Variants in MEFV observed in about 807,000 individuals in gnomAD.
The protein encoded by MEFV is pyrin.
Under a neutral mutation model 62.5 loss-of-function variants are expected in MEFV, and 60 were observed. The observed-to-expected ratio is 0.96, with a 90% confidence interval of 0.78 to 1.19. The LOEUF (loss-of-function observed/expected upper bound fraction) is 1.19. MEFV is among the 50% of genes most tolerant of loss of function. MEFV has a pLI of 0.00. For missense variants in MEFV, 1,169 were observed against 1,004.5 expected (o/e 1.16, Z -2.21); for synonymous variants, 500 against 415.2 (o/e 1.20, Z -2.48).
chr16:3,250,892 T>C lies in MEFV; in HGVS notation c.911-1112A>G, dbSNP rs548240000. On this transcript the variant is annotated intron_variant, in intron 2 of 9. Transcript: ENST00000219596. The stretch of plus-strand genomic sequence containing the variant: ...TACAAAAATTAGCCGGACGTGGTGG[T>C]GGGCACCTGTAATCCCAGCTACTCG... 8.8e-3 allele frequency among the ~76,000 whole-genome samples: 1,323 copies of C among 151,094 alleles called. 13 individuals carry two copies. The highest frequency in any genetic ancestry group is 0.031 in the Middle Eastern group (9 of 294).
chr16:3,252,636 C>T (rs1158972500), intron 2 of MEFV, among the ~76,000 whole-genome samples: 3 of 151,934 alleles, frequency 2.0e-5, no homozygotes, highest in Non-Finnish European at 2.9e-5. Context: ...GCCAACAATG[C>T]ATTGGAAAGT....
At position 3,254,293 on chromosome 16, in the gene MEFV, T is replaced by C. The variant is rs104895144; in HGVS notation, c.775A>G (p.Ile259Val). The C allele has an allele frequency of 4.0e-5, 65 of 1,614,100 alleles. No individual in the cohort carries two copies. In the Middle Eastern group the frequency reaches 4.9e-4, roughly 12 times the overall value. Residue 259 changes from isoleucine to valine, a missense_variant, in exon 2 of 10, where the codon ATT (isoleucine) becomes GTT (valine). Coordinates refer to ENST00000219596, the MANE Select transcript of MEFV (RefSeq NM_000243.3). ...TGEKAPANPE[I>V]LLTLEEKTAA... ...GTCTTTTCCTCTAGAGTCAGGAGAA[T>C]TTCTGGATTTGCGGGCGCCTTCTCC... is the stretch of plus-strand genomic sequence containing the variant.
intron 2 of MEFV, among the ~76,000 whole-genome samples, chr16:3,253,848 A>G (rs1959073406): frequency 6.6e-6 from 1 of 152,138 alleles, no homozygotes; most frequent in Non-Finnish European, 1.5e-5. Flanking sequence ...ATGGGGTCTC[A>G]CTGTGTTGCC....
At chr16:3,244,714 A>T in intron 6 of MEFV, 126 bp from the exon 7 acceptor site, 1 of 765,102 alleles carries the variant, frequency 1.3e-6, no homozygotes, top group South Asian at 1.4e-5. Flanking sequence ...CACAAAGAAA[A>T]GTCTTCCCTG....
rs758868622 is a variant in MEFV, at chr16:3,249,469, G to A, written c.1222C>T (p.Arg408Trp). The A allele has an allele frequency of 1.7e-5, 28 of 1,614,072 alleles. No individual in the cohort carries two copies. Among genetic ancestry groups the A allele is most frequent in the East Asian group, 4.5e-5 (2 of 44,884 alleles). Residue 408 changes from arginine to tryptophan, a missense_variant, in exon 3 of 10, where the codon CGG (arginine) becomes TGG (tryptophan). By Grantham distance (101) the Arg-to-Trp change is moderately radical. Transcript: ENST00000219596. ...CSLSQEHQGHRVRPIEEVALE... is the reference protein window; with the variant it reads ...CSLSQEHQGHWVRPIEEVALE... ...GCGACCTCCTCAATGGGGCGCACCC[G>A]GTGGCCTTGGTGCTCCTGACTCAGA... is the stretch of plus-strand genomic sequence containing the variant.
Position 3,244,492 on chromosome 16 carries a change from C to T in MEFV, c.1707G>A (p.Lys569=), listed in dbSNP as rs1272950397. ...ATCTACCTGAGAAGTACTTTGTGCT[C>T]TTCTCCACAAACTCTGACTTCTGGT... The part of the protein sequence containing the change: ...LLHQKSEFVE[K]STKYFSETLR... The change falls in exon 7 of 10, where the codon AAG becomes AAA. Residue 569 remains lysine (K), a synonymous_variant. Coordinates refer to ENST00000219596, the MANE Select transcript of MEFV (RefSeq NM_000243.3). 1.2e-6 allele frequency: 2 copies of T among 1,613,938 alleles called. No homozygotes were observed. Among genetic ancestry groups the T allele is most frequent in the Non-Finnish European group, 8.5e-7 (1 of 1,179,968 alleles).
chr16:3,246,923 A>G (rs950477432), intron 5 of MEFV, 93 bp downstream of exon 5: 18 of 1,252,438 alleles, frequency 1.4e-5, no homozygotes, highest in East Asian at 1.4e-4. Context: ...GGCTTCACCC[A>G]CTTGTTCCAG....
chr16:3,248,971 T>A lies in MEFV; in HGVS notation c.1294A>T (p.Lys432Ter), dbSNP rs762728076. Residue 432 changes from lysine (K) to a stop codon, truncating the protein, a stop_gained, in exon 4 of 10, where the codon AAG becomes TAG. Coordinates refer to ENST00000219596, the MANE Select transcript of MEFV (RefSeq NM_000243.3). LOFTEE classifies it high-confidence loss of function. ...TGCTCCTCCCCTGATTTTCTCAGCT[T>A]CTTCAGATGCTCCAGCTGCTTCTGA... ...KIQKQLEHLK[K>*]LRKSGEEQRS... The A allele has an allele frequency of 3.1e-6, 5 of 1,614,238 alleles. No individual in the cohort carries two copies. In the Admixed American group the frequency reaches 8.3e-5, roughly 27 times the overall value.
Position 3,256,482 on chromosome 16 carries a change from C to G in MEFV, c.106G>C (p.Glu36Gln). 1.2e-6 allele frequency: 2 copies of G among 1,614,186 alleles called. No homozygotes were observed. Among genetic ancestry groups the G allele is most frequent in the Non-Finnish European group, 8.5e-7 (1 of 1,180,044 alleles). Reference sequence around the variant, plus strand: ...TGGCTCCGGGGGATCCTGGAGTGCTCCTTCTGCACACTGGTGTTCTGCAGC... The same window carrying G: ...TGGCTCCGGGGGATCCTGGAGTGCTGCTTCTGCACACTGGTGTTCTGCAGC... ...FKLQNTSVQK[E>Q]HSRIPRSQIQ... Residue 36 changes from glutamate to glutamine, a missense_variant, in exon 1 of 10, where the codon GAG (glutamate) becomes CAG (glutamine). By Grantham distance (29) the Glu-to-Gln change is conservative. Coordinates refer to ENST00000219596, the MANE Select transcript of MEFV (RefSeq NM_000243.3).
rs746500055 is a variant in MEFV, at chr16:3,254,378, T to G, written c.690A>C (p.Glu230Asp). ...GCATCTTTCCCGAGGGCAGGTACAC[T>G]TCGAAGGGCCTGCACTCCTTCTGCC... ...APGQKECRPF[E>D]VYLPSGKMRP... Residue 230 changes from glutamate (E) to aspartate (D), a missense_variant, in exon 2 of 10, where the codon GAA (glutamate) becomes GAC (aspartate). Glu to Asp is a conservative substitution (Grantham distance 45). Transcript: ENST00000219596. 1.9e-6 allele frequency: 3 copies of G among 1,614,132 alleles called. No individual in the cohort carries two copies. Among genetic ancestry groups the G allele is most frequent in the South Asian group, 1.1e-5 (1 of 91,090 alleles).
intron 8 of MEFV, 78 bp downstream of exon 8, chr16:3,244,176 T>C (rs1596350765): frequency 3.7e-6 from 6 of 1,606,302 alleles, no homozygotes; most frequent in Non-Finnish European, 5.1e-6. Context: ...GTCTTCTAAA[T>C]AGGGCCCCTC....
rs11466033 is a variant in MEFV, at chr16:3,246,515, C to A, written c.1610+10G>T. The A allele has an allele frequency of 2.3e-4, 377 of 1,614,112 alleles. 1 individual carries two copies. In the African/African-American group the frequency reaches 4.2e-3, roughly 18 times the overall value. On this transcript the variant is annotated intron_variant, in intron 6 of 9. Transcript: ENST00000219596. The stretch of plus-strand genomic sequence containing the variant: ...GACACCCCAGGGTACACCACAGGAC[C>A]TCGCTGTACCTGTGCAAGATGTCTC...
chr16:3,255,343 A>G (rs1959101532), intron 1 of MEFV, among the ~76,000 whole-genome samples: 1 of 152,124 alleles, frequency 6.6e-6, no homozygotes, highest in Non-Finnish European at 1.5e-5. Context: ...GACTTCCTAG[A>G]CTAGACAATG....
chr16:3,256,569 C>A lies in MEFV; in HGVS notation c.19G>T (p.Asp7Tyr). The A allele has an allele frequency of 6.2e-7, 1 of 1,614,156 alleles. No individual in the cohort carries two copies. The highest frequency in any genetic ancestry group is 1.1e-5 in the South Asian group (1 of 91,076). ...TCCTCCAGGGTGGACAGCAGATGGT[C>A]ACTAGGGGTCTTAGCCATGGTGCTG... MAKTPS[D>Y]HLLSTLEELV... is the part of the protein sequence containing the mutation. Residue 7 changes from aspartate to tyrosine, a missense_variant, in exon 1 of 10, where the codon GAC (aspartate) becomes TAC (tyrosine). Coordinates refer to ENST00000219596, the MANE Select transcript of MEFV (RefSeq NM_000243.3).
rs1567233429 is a variant in MEFV at position 3,247,235 on chromosome 16, T to G, written c.1368A>C (p.Glu456Asp). The G allele has an allele frequency of 1.2e-6, 2 of 1,614,110 alleles. No individual in the cohort carries two copies. Among genetic ancestry groups the G allele is most frequent in the Middle Eastern group, 1.6e-4 (1 of 6,062 alleles). Residue 456 changes from glutamate (E) to aspartate (D), a missense_variant, in exon 5 of 10, where the codon GAA becomes GAC. By Grantham distance (45) the Glu-to-Asp change is conservative (BLOSUM62 2). Transcript: ENST00000219596. ...EKAVSFLKQT[E>D]ALKQRVQRKL... ...TCCTCTGCACCCGCTGCTTCAGCGC[T>G]TCAGTTTGTTTCTGGGGAGCAGAGG... is the stretch of plus-strand genomic sequence containing the variant.
At chr16:3,246,464 C>T (rs760612183) in intron 6 of MEFV, 61 bp downstream of exon 6, 223 of 1,600,070 alleles carry the variant, frequency 1.4e-4, no homozygotes, top group Non-Finnish European at 1.8e-4. Flanking sequence ...CCTTCTGGGA[C>T]TGTCTCCCCC....
At position 3,249,082 on chromosome 16, in the gene MEFV, A is replaced by T. The variant is rs1205626846; in HGVS notation, c.1261-78T>A. 25 of 1,398,492 alleles carry T rather than the reference A, an allele frequency of 1.8e-5. No individual in the cohort carries two copies. In the African/African-American group the frequency reaches 2.7e-4, roughly 15 times the overall value. 86.6% of individuals were successfully genotyped at this position (1,398,492 alleles called of 1,614,324 possible). ...GCTGGTGCCAACTCTGGAGGGGAACATCTCCTTCTGGTAGCAAGGCTGAGG... is the reference window on the plus strand; with the variant it reads ...GCTGGTGCCAACTCTGGAGGGGAACTTCTCCTTCTGGTAGCAAGGCTGAGG... On this transcript the variant is annotated intron_variant, in intron 3 of 9. Transcript: ENST00000219596.
intron 2 of MEFV, among the ~76,000 whole-genome samples, chr16:3,250,988 C>T (rs1596355851): frequency 7.2e-6 from 1 of 139,848 alleles, no homozygotes; most frequent in Non-Finnish European, 1.5e-5. Context: ...TGCGCCACTG[C>T]ACTCCAGTCT....
intron 2 of MEFV, among the ~76,000 whole-genome samples, chr16:3,252,465 G>C (rs1959050955): frequency 1.3e-5 from 2 of 152,032 alleles, no homozygotes; most frequent in African/African-American, 4.8e-5. Context: ...AGTAGAGATG[G>C]CGTTTCACCA....
Sources: allele counts gnomAD v4.1 joint callset (sites outside exome capture counted in the v4.1 genomes callset), GRCh38; gene constraint gnomAD v4.1.1; transcripts MANE v1.5; gene names NCBI Gene and HGNC (gene_info 2026-07-23, HGNC 2026-07-21).